Variants in FEM1C observed in about 807,000 individuals in gnomAD.
FEM1C encodes protein fem-1 homolog C.
A neutral mutation model predicts 37.6 loss-of-function variants in FEM1C; 15 were observed. That is an observed-to-expected ratio of 0.40 (90% confidence interval 0.27 to 0.61). The LOEUF is 0.61. Ranked by LOEUF, FEM1C falls within the 20% of genes least tolerant of loss-of-function variation. The pLI is 0.42. For missense variants in FEM1C, 532 were observed against 749.7 expected, an observed-to-expected ratio of 0.71 and a Z score of 3.39; for synonymous variants, 287 against 272.8, an observed-to-expected ratio of 1.05 and a Z score of -0.51.
intron 2 of FEM1C, 119 bp downstream of exon 2, chr5:115,542,831 T>C: frequency 5.0e-6 from 6 of 1,192,532 alleles, no homozygotes; most frequent in Non-Finnish European, 7.1e-6. Flanking sequence ...CTGGAAGACT[T>C]ACCTAATCAA....
intron 2 of FEM1C, among the ~76,000 whole-genome samples, chr5:115,537,078 C>T (rs980421002): frequency 4.6e-5 from 7 of 151,942 alleles, no homozygotes; most frequent in Non-Finnish European, 8.8e-5. Context: ...CACAGCTCTT[C>T]CCAAAGGGAG....
chr5:115,539,053 A>G (rs868124406), intron 2 of FEM1C, among the ~76,000 whole-genome samples: 5 of 152,022 alleles, frequency 3.3e-5, no homozygotes, highest in African/African-American at 1.2e-4. Context: ...ATCTTCTCAT[A>G]ACCTCCAAAA....
chr5:115,535,926 C>A (rs1202901258), intron 2 of FEM1C, among the ~76,000 whole-genome samples: 1 of 151,954 alleles, frequency 6.6e-6, no homozygotes, highest in African/African-American at 2.4e-5. Flanking sequence ...AATGGATGAA[C>A]CTTGAAAACA....
At chr5:115,541,423 T>G (rs1218810151) in intron 2 of FEM1C, among the ~76,000 whole-genome samples, 2 of 152,134 alleles carry the variant, frequency 1.3e-5, no homozygotes, top group African/African-American at 4.8e-5. Context: ...GATCACACAA[T>G]CTACAGCAAA....
intron 2 of FEM1C, among the ~76,000 whole-genome samples, chr5:115,530,403 G>A (rs1753989685): frequency 6.6e-6 from 1 of 151,958 alleles, no homozygotes; most frequent in Non-Finnish European, 1.5e-5. Flanking sequence ...AGTAAAAATC[G>A]ACAGAACTAC....
intron 2 of FEM1C, among the ~76,000 whole-genome samples, chr5:115,534,111 C>T (rs1373662708): frequency 2.0e-5 from 3 of 151,836 alleles, no homozygotes; most frequent in Non-Finnish European, 4.4e-5. Flanking sequence ...TAATTTAACA[C>T]AAAAACAATG....
chr5:115,543,409 C>G lies in FEM1C; in HGVS notation c.85G>C (p.Glu29Gln), dbSNP rs376743900. The change falls in exon 2 of 3, where the codon GAG (glutamate) becomes CAG (glutamine). Residue 29 changes from glutamate (E) to glutamine (Q), a missense_variant. Around this residue, in one of 3 missense-constraint regions of FEM1C, gnomAD observed 74 missense variants for 85.0 expected, o/e 0.87. Coordinates refer to ENST00000274457, the MANE Select transcript of FEM1C (RefSeq NM_020177.3). ...LTKLLASKSKEEVSSLISEKT... is the reference protein window; with the variant it reads ...LTKLLASKSKQEVSSLISEKT... The stretch of plus-strand genomic sequence containing the variant: ...TCAGAGATCAAGGAGGAAACCTCCT[C>G]TTTGGATTTGCTTGCCAACAATTTG... 3 of 1,614,180 alleles carry G rather than the reference C, an allele frequency of 1.9e-6. No individual in the cohort carries two copies. Among genetic ancestry groups the G allele is most frequent in the Non-Finnish European group, 2.5e-6 (3 of 1,180,010 alleles).
At chr5:115,536,459 G>A (rs1390019008) in intron 2 of FEM1C, among the ~76,000 whole-genome samples, 5 of 151,826 alleles carry the variant, frequency 3.3e-5, no homozygotes, top group Non-Finnish European at 7.4e-5. Flanking sequence ...TGGTCCACTT[G>A]TAAGATGAGG....
At chr5:115,532,758 G>A (rs553337114) in intron 2 of FEM1C, among the ~76,000 whole-genome samples, 2 of 152,028 alleles carry the variant, frequency 1.3e-5, no homozygotes, top group East Asian at 1.9e-4. Context: ...TGGTTTTATG[G>A]TGAAAGTTCA....
chr5:115,535,485 G>C (rs972536183), intron 2 of FEM1C, among the ~76,000 whole-genome samples: 1 of 151,764 alleles, frequency 6.6e-6, no homozygotes, highest in Non-Finnish European at 1.5e-5. Flanking sequence ...CACGAATTAA[G>C]TACATGAAAA....
intron 2 of FEM1C, among the ~76,000 whole-genome samples, chr5:115,532,590 C>G (rs1382344261): frequency 6.6e-6 from 1 of 150,474 alleles, no homozygotes; most frequent in Non-Finnish European, 1.5e-5. Context: ...TGTGTCATTT[C>G]TCCAAGTCTT....
intron 2 of FEM1C, among the ~76,000 whole-genome samples, chr5:115,532,696 C>T (rs1754042110): frequency 6.6e-6 from 1 of 152,040 alleles, no homozygotes; most frequent in South Asian, 2.1e-4. Context: ...TGTGTTATTA[C>T]ATCGTCTGCA....
rs776638321 is a variant in FEM1C, at chr5:115,543,344, C to T, written c.150G>A (p.Arg50=). Residue 50 remains arginine (R), a synonymous_variant, in exon 2 of 3, where the codon AGG becomes AGA. Coordinates refer to ENST00000274457, the MANE Select transcript of FEM1C (RefSeq NM_020177.3). ...ATTCCACCATGTCAAGGTGCCCATACCTGGCGGCCATCAAGAGTGGCGTGG... is the reference window on the plus strand; with the variant it reads ...ATTCCACCATGTCAAGGTGCCCATATCTGGCGGCCATCAAGAGTGGCGTGG... ...NGATPLLMAA[R]YGHLDMVEFL... is the part of the protein sequence containing the mutation. The T allele has an allele frequency of 6.1e-5, 99 of 1,614,086 alleles. No individual in the cohort carries two copies. The highest frequency in any genetic ancestry group is 3.0e-4 in the South Asian group (27 of 91,086).
chr5:115,526,688 T>C (rs1005016952), intron 2 of FEM1C, among the ~76,000 whole-genome samples: 3 of 152,176 alleles, frequency 2.0e-5, no homozygotes, highest in African/African-American at 7.2e-5. Context: ...ATTTTAGGCA[T>C]GTCTGTAGAA....
chr5:115,536,790 C>T (rs1407420438), intron 2 of FEM1C, among the ~76,000 whole-genome samples: 1 of 151,934 alleles, frequency 6.6e-6, no homozygotes, highest in Non-Finnish European at 1.5e-5. Flanking sequence ...AAAGAACAAA[C>T]AGAAATTTAA....
At chr5:115,532,040 T>C (rs1470369289) in intron 2 of FEM1C, among the ~76,000 whole-genome samples, 1 of 152,152 alleles carries the variant, frequency 6.6e-6, no homozygotes, top group African/African-American at 2.4e-5. Context: ...CTTTACCATT[T>C]TAACTTCTTG....
intron 2 of FEM1C, among the ~76,000 whole-genome samples, chr5:115,540,296 C>G (rs1754212891): frequency 6.6e-6 from 1 of 151,866 alleles, no homozygotes; most frequent in Non-Finnish European, 1.5e-5. Flanking sequence ...TTAATCTGCC[C>G]CCAACATTCA....
chr5:115,528,526 C>T (rs1307155028), intron 2 of FEM1C, among the ~76,000 whole-genome samples: 2 of 152,122 alleles, frequency 1.3e-5, no homozygotes, highest in South Asian at 2.1e-4. Flanking sequence ...GACTAGCTAT[C>T]GCAAAAACTT....
At chr5:115,543,960 C>T (rs1350162286) in intron 1 of FEM1C, 1 of 985,172 alleles carries the variant, frequency 1.0e-6, no homozygotes, top group East Asian at 1.1e-4. Context: ...CTCTAACCAG[C>T]CAAGCTTTGT....
Sources: gnomAD v4.1 joint callset for allele counts (sites outside exome capture counted in the v4.1 genomes callset) on GRCh38, gnomAD v4.1.1 for gene constraint, gnomAD v4.1.1 regional missense constraint, MANE v1.5 for transcripts, NCBI Gene and HGNC (gene_info 2026-07-23, HGNC 2026-07-21) for gene names.